Variants in UNC13C observed in about 807,000 individuals in gnomAD.
The protein encoded by UNC13C is protein unc-13 homolog C.
Under a neutral mutation model 245.4 loss-of-function variants are expected in UNC13C, and 174 were observed. That is an observed-to-expected ratio of 0.71 (90% CI 0.63 to 0.80). UNC13C has a LOEUF of 0.80. Among genes scored for constraint, UNC13C ranks in the 30% least tolerant of loss-of-function variants. The pLI is 0.00. For missense variants in UNC13C, 2,829 were observed against 2,602.9 expected (o/e 1.09, Z -1.89); for synonymous variants, 992 against 895.1 (o/e 1.11, Z -1.93).
chr15:54,102,063 A>C (rs551017065), intron 2 of UNC13C, among the ~76,000 whole-genome samples: 1 of 149,606 alleles, frequency 6.7e-6, no homozygotes, highest in Non-Finnish European at 1.5e-5. Flanking sequence ...TCCTGTGTGA[A>C]GTATCTAAGA....
chr15:54,255,200 G>A (rs1175116791), intron 8 of UNC13C, among the ~76,000 whole-genome samples: 2 of 152,178 alleles, frequency 1.3e-5, no homozygotes, highest in South Asian at 2.1e-4. Context: ...AACTCAATTA[G>A]ACCCCTCCCT....
At chr15:53,933,097 C>T in the UNC13C span, among the ~76,000 whole-genome samples, 1 of 152,104 alleles carries the variant, frequency 6.6e-6, no homozygotes, top group African/African-American at 2.4e-5. Context: ...AATAACAGGC[C>T]TTGCCTTTCT....
At chr15:53,989,181 T>A (rs1180533350) in intron 1 of UNC13C, among the ~76,000 whole-genome samples, 1 of 151,962 alleles carries the variant, frequency 6.6e-6, no homozygotes, top group East Asian at 1.9e-4. Context: ...ATTTGTTAAA[T>A]AGATACCTCC....
At chr15:54,505,190 C>A (rs1314839905) in intron 22 of UNC13C, among the ~76,000 whole-genome samples, 6 of 152,160 alleles carry the variant, frequency 3.9e-5, no homozygotes, top group African/African-American at 1.4e-4. Flanking sequence ...CTGCACTATA[C>A]TCTCTTCTGA....
intron 2 of UNC13C, among the ~76,000 whole-genome samples, chr15:54,085,677 C>T (rs1014852157): frequency 2.0e-5 from 3 of 151,916 alleles, no homozygotes; most frequent in Non-Finnish European, 4.4e-5. Context: ...AAATCCCTGC[C>T]CTCAAGTGAT....
intron 30 of UNC13C, among the ~76,000 whole-genome samples, chr15:54,589,776 T>C (rs1220705460): frequency 1.3e-5 from 2 of 152,190 alleles, no homozygotes; most frequent in Non-Finnish European, 2.9e-5. Context: ...GACTGTTCTT[T>C]TTGCCATGCA....
intron 4 of UNC13C, among the ~76,000 whole-genome samples, chr15:54,144,813 G>C (rs983202631): frequency 6.6e-5 from 10 of 152,002 alleles, no homozygotes; most frequent in Admixed American, 5.9e-4. Context: ...CATAATTATA[G>C]ATACTATGGT....
chr15:53,847,149 C>T, the UNC13C span, among the ~76,000 whole-genome samples: 1 of 152,114 alleles, frequency 6.6e-6, no homozygotes, highest in East Asian at 1.9e-4. Context: ...GTTATAGGGA[C>T]TTTGTGCTAA....
At chr15:54,082,559 C>G (rs1455237276) in intron 2 of UNC13C, among the ~76,000 whole-genome samples, 1 of 152,004 alleles carries the variant, frequency 6.6e-6, no homozygotes, top group Non-Finnish European at 1.5e-5. Flanking sequence ...ACTTTAAATT[C>G]TTTATCTGTC....
chr15:54,253,223 G>C (rs1362035018), intron 8 of UNC13C, among the ~76,000 whole-genome samples: 1 of 152,134 alleles, frequency 6.6e-6, no homozygotes, highest in African/African-American at 2.4e-5. Context: ...GAAGTCTTGG[G>C]TTTGTGACTT....
intron 18 of UNC13C, among the ~76,000 whole-genome samples, chr15:54,404,655 T>A (rs2040257561): frequency 6.6e-6 from 1 of 152,234 alleles, no homozygotes; most frequent in East Asian, 1.9e-4. Flanking sequence ...TAAATATATA[T>A]GGTACATAGG....
chr15:54,510,515 T>C (rs1466950237), intron 23 of UNC13C, among the ~76,000 whole-genome samples: 1 of 142,688 alleles, frequency 7.0e-6, no homozygotes, highest in Non-Finnish European at 1.5e-5. Flanking sequence ...GGGGGATACA[T>C]CTCAGATATC....
At chr15:53,933,218 C>A in the UNC13C span, among the ~76,000 whole-genome samples, 1 of 152,094 alleles carries the variant, frequency 6.6e-6, no homozygotes, top group East Asian at 1.9e-4. Flanking sequence ...CTGCCCACTT[C>A]CCCCTACCAT....
intron 19 of UNC13C, among the ~76,000 whole-genome samples, chr15:54,453,217 G>C (rs972645246): frequency 6.6e-6 from 1 of 152,198 alleles, no homozygotes; most frequent in Non-Finnish European, 1.5e-5. Flanking sequence ...TCCATGGTGG[G>C]AATGTAGACT....
intron 17 of UNC13C, among the ~76,000 whole-genome samples, chr15:54,389,511 G>T (rs561210984): frequency 4.0e-4 from 61 of 152,236 alleles, no homozygotes; most frequent in Non-Finnish European, 7.1e-4. Context: ...AAAGGCTTCA[G>T]GAAATCTGAA....
intron 19 of UNC13C, among the ~76,000 whole-genome samples, chr15:54,425,037 G>A (rs962433461): frequency 6.6e-6 from 1 of 151,802 alleles, no homozygotes; most frequent in Non-Finnish European, 1.5e-5. Context: ...TGTATACAAT[G>A]CCATGTGCTA....
chr15:54,186,197 A>G (rs1437029368), intron 4 of UNC13C, among the ~76,000 whole-genome samples: 4 of 152,134 alleles, frequency 2.6e-5, no homozygotes, highest in African/African-American at 9.7e-5. Flanking sequence ...TTCTAGATAT[A>G]CAATCATGTC....
intron 15 of UNC13C, among the ~76,000 whole-genome samples, chr15:54,333,114 C>T (rs1002817988): frequency 2.0e-5 from 3 of 152,120 alleles, no homozygotes; most frequent in African/African-American, 7.2e-5. Flanking sequence ...TTCCTAATGG[C>T]TCTTTAGAAA....
At chr15:54,417,414 A>ATTTT (rs2040545215) in intron 19 of UNC13C, among the ~76,000 whole-genome samples, 1 of 152,094 alleles carries the variant, frequency 6.6e-6, no homozygotes, top group Admixed American at 6.5e-5. Flanking sequence ...GCATTTTCAA[A>ATTTT]CATTTATTGC....
Sources: gnomAD v4.1 joint callset for allele counts (sites outside exome capture counted in the v4.1 genomes callset) on GRCh38, gnomAD v4.1.1 for gene constraint, MANE v1.5 for transcripts, NCBI Gene and HGNC (gene_info 2026-07-23, HGNC 2026-07-21) for gene names.